The following EPCIP variants were observed in gnomAD, a reference collection of about 807,000 sequenced individuals.
The protein encoded by EPCIP is exosomal polycystin-1-interacting protein.
chr21:32,806,915 C>A, the EPCIP span, among the ~76,000 whole-genome samples: 1 of 152,182 alleles, frequency 6.6e-6, no homozygotes, highest in African/African-American at 2.4e-5. Flanking sequence ...GCTGGGAGGC[C>A]TCACAATCAT....
chr21:32,811,277 T>G, the EPCIP span, among the ~76,000 whole-genome samples: 116,844 of 151,984 alleles, frequency 0.77, 45,170 homozygotes, highest in East Asian at 0.92. Context: ...ATTATAGGTG[T>G]TGCACCACCA....
At chr21:32,805,018 C>T in the EPCIP span, among the ~76,000 whole-genome samples, 1 of 152,154 alleles carries the variant, frequency 6.6e-6, no homozygotes, top group South Asian at 2.1e-4. Flanking sequence ...CTTACATGGC[C>T]ATAAGGCCTC....
the EPCIP span, among the ~76,000 whole-genome samples, chr21:32,805,140 G>C: frequency 6.6e-6 from 1 of 152,222 alleles, no homozygotes; most frequent in African/African-American, 2.4e-5. Context: ...TATGACAACT[G>C]AAGCAGAGAT....
At chr21:32,790,963 A>G in the EPCIP span, 1 of 152,250 alleles carries the variant, frequency 6.6e-6, no homozygotes, top group African/African-American at 2.4e-5. Context: ...TCATTCTCTG[A>G]AGGATCAGAT....
chr21:32,794,426 G>A, the EPCIP span: 1 of 1,609,282 alleles, frequency 6.2e-7, no homozygotes, highest in East Asian at 2.2e-5. Flanking sequence ...TGCCATGCTT[G>A]CCCAGCATGG....
chr21:32,808,900 C>T, the EPCIP span, among the ~76,000 whole-genome samples: 34 of 152,056 alleles, frequency 2.2e-4, no homozygotes, highest in Admixed American at 3.9e-4. Context: ...ATTGATGACT[C>T]TTTGACGATT....
chr21:32,806,092 A>T, the EPCIP span, among the ~76,000 whole-genome samples: 1 of 152,110 alleles, frequency 6.6e-6, no homozygotes, highest in East Asian at 1.9e-4. Context: ...CCTGAGGCTG[A>T]GTCCGGTCAG....
the EPCIP span, chr21:32,797,072 G>A: frequency 2.1e-6 from 1 of 465,336 alleles, no homozygotes. Context: ...TAAGGCCCTG[G>A]CTAGACCTCA....
the EPCIP span, chr21:32,794,025 G>T: frequency 2.5e-5 from 41 of 1,614,070 alleles, no homozygotes; most frequent in African/African-American, 4.0e-5. Flanking sequence ...GGGAAGGGAT[G>T]CTTGGCCTCC....
the EPCIP span, chr21:32,810,672 A>G: frequency 1.1e-5 from 5 of 471,240 alleles, no homozygotes; most frequent in Non-Finnish European, 2.2e-5. Context: ...GTTAAATACC[A>G]CCTAGATGCT....
the EPCIP span, chr21:32,810,427 T>TC: frequency 6.4e-6 from 2 of 310,640 alleles, no homozygotes; most frequent in African/African-American, 4.5e-5. Context: ...GGTAATTTTT[T>TC]TTTTTTTTTT....
the EPCIP span, among the ~76,000 whole-genome samples, chr21:32,795,487 A>G: frequency 1.3e-5 from 2 of 152,210 alleles, no homozygotes; most frequent in South Asian, 2.1e-4. Context: ...CATTCCCCCA[A>G]TGACTGAGGA....
the EPCIP span, among the ~76,000 whole-genome samples, chr21:32,794,804 C>T: frequency 6.6e-6 from 1 of 152,216 alleles, no homozygotes; most frequent in South Asian, 2.1e-4. Flanking sequence ...AGGAGACCTA[C>T]CGCATCCTAT....
chr21:32,801,697 G>A, the EPCIP span, among the ~76,000 whole-genome samples: 1 of 152,152 alleles, frequency 6.6e-6, no homozygotes, highest in African/African-American at 2.4e-5. Flanking sequence ...AAAAAAATTA[G>A]CTGGGCGTGG....
chr21:32,807,229 G>A, the EPCIP span, among the ~76,000 whole-genome samples: 17 of 152,034 alleles, frequency 1.1e-4, no homozygotes, highest in African/African-American at 3.9e-4. Flanking sequence ...TTAGCACAGG[G>A]CCTGGCACAT....
the EPCIP span, among the ~76,000 whole-genome samples, chr21:32,812,703 AT>A: frequency 6.6e-6 from 1 of 151,580 alleles, no homozygotes; most frequent in Non-Finnish European, 1.5e-5. Context: ...TTTTTTTGGT[AT>A]TTTTTAAGGG....
the EPCIP span, among the ~76,000 whole-genome samples, chr21:32,791,670 C>T: frequency 2.0e-5 from 3 of 151,776 alleles, no homozygotes; most frequent in Non-Finnish European, 4.4e-5. Context: ...TGGCTAAATC[C>T]CCCACCAATT....
At chr21:32,792,891 G>T in the EPCIP span, among the ~76,000 whole-genome samples, 5 of 149,406 alleles carry the variant, frequency 3.3e-5, no homozygotes, top group African/African-American at 7.4e-5. Flanking sequence ...CAGTTTAAGA[G>T]AACCTAATCA....
At chr21:32,808,206 G>T in the EPCIP span, among the ~76,000 whole-genome samples, 1 of 152,002 alleles carries the variant, frequency 6.6e-6, no homozygotes, top group Non-Finnish European at 1.5e-5. Context: ...CTCAGGGAGA[G>T]CTTTGCTTAA....
Sources: gnomAD v4.1 joint callset for allele counts (sites outside exome capture counted in the v4.1 genomes callset) on GRCh38, gnomAD v4.1.1 for gene constraint, MANE v1.5 for transcripts, NCBI Gene and HGNC (gene_info 2026-07-23, HGNC 2026-07-21) for gene names.